The following IL1RAP variants were observed in gnomAD, a reference collection of about 807,000 sequenced individuals.
IL1RAP encodes the protein interleukin-1 receptor accessory protein.
In IL1RAP, 35 loss-of-function variants were observed where a neutral mutation model predicts 60.7. The ratio of observed to expected loss-of-function variants is 0.58; its 90% CI spans 0.44 to 0.76. The LOEUF is 0.76. Ranked by LOEUF, IL1RAP falls within the 30% of genes least tolerant of loss-of-function variation. The pLI is 0.00. For synonymous variants in IL1RAP, 268 were observed against 250.9 expected, an observed-to-expected ratio of 1.07 and a Z score of -0.64; for missense variants, 572 against 693.9, an observed-to-expected ratio of 0.82 and a Z score of 1.97.
intron 3 of IL1RAP, among the ~76,000 whole-genome samples, chr3:190,599,839 T>C (rs1729704777): frequency 1.3e-5 from 1 of 79,226 alleles, no homozygotes; most frequent in East Asian, 5.5e-4. Flanking sequence ...AATCTTTAAA[T>C]TTAACATCTA....
At chr3:190,538,249 G>GGGGGTT (rs1428992671) in intron 1 of IL1RAP, among the ~76,000 whole-genome samples, 1 of 152,160 alleles carries the variant, frequency 6.6e-6, no homozygotes, top group African/African-American at 2.4e-5. Context: ...AGCAGCCTCT[G>GGGGGTT]GGGGTTGACT....
chr3:190,533,859 G>A (rs891501142), intron 1 of IL1RAP, among the ~76,000 whole-genome samples: 8 of 152,162 alleles, frequency 5.3e-5, no homozygotes, highest in Non-Finnish European at 1.2e-4. Context: ...TTTGCGGTTG[G>A]CAGCATATGA....
At chr3:190,640,256 T>C (rs1236584942) in intron 9 of IL1RAP, among the ~76,000 whole-genome samples, 3 of 152,214 alleles carry the variant, frequency 2.0e-5, no homozygotes, top group African/African-American at 7.2e-5. Flanking sequence ...TTTACCTCTT[T>C]TTTGTCTTTT....
Position 190,648,824 on chromosome 3 carries a change from G to A in IL1RAP, c.*119G>A, listed in dbSNP as rs1734223569. ...AAATAATGGTCTAAGCCTCCCAATA[G>A]GGATAAATTTAGGGTGACTGTGTGG... On this transcript the variant is annotated 3_prime_UTR_variant, in exon 12 of 12. Transcript: ENST00000447382. 1 of 1,450,940 alleles carries A rather than the reference G, an allele frequency of 6.9e-7. No homozygotes were observed. Among genetic ancestry groups the A allele is most frequent in the African/African-American group, 1.4e-5 (1 of 70,012 alleles). 89.9% of individuals were successfully genotyped at this position (1,450,940 alleles called of 1,614,324 possible).
rs781411548 is a variant in IL1RAP, at chr3:190,627,408, A to G, written c.861A>G (p.Lys287=). 1.9e-6 allele frequency: 3 copies of G among 1,613,756 alleles called. No individual in the cohort carries two copies. In the South Asian group the frequency reaches 3.3e-5, roughly 18 times the overall value. The change falls in exon 8 of 12, where the codon AAA becomes AAG. Residue 287 remains lysine, a synonymous_variant. Transcript: ENST00000447382. ...AGGTTTGGTGGACCATTGATGGAAAAAAACCTGATGACATCACTATTGATG... is the reference window on the plus strand; with the variant it reads ...AGGTTTGGTGGACCATTGATGGAAAGAAACCTGATGACATCACTATTGATG... ...RNEVWWTIDG[K]KPDDITIDVT... is the part of the protein sequence containing the mutation.
At chr3:190,556,732 A>T (rs1193683959) in intron 2 of IL1RAP, among the ~76,000 whole-genome samples, 1 of 152,200 alleles carries the variant, frequency 6.6e-6, no homozygotes, top group Non-Finnish European at 1.5e-5. Flanking sequence ...TCAATGGTCA[A>T]CTTGAACCAC....
chr3:190,540,630 G>C (rs1723849496), intron 1 of IL1RAP, among the ~76,000 whole-genome samples: 1 of 151,386 alleles, frequency 6.6e-6, no homozygotes, highest in South Asian at 2.1e-4. Context: ...CCATGTGTCT[G>C]TGTTGATTTT....
intron 3 of IL1RAP, among the ~76,000 whole-genome samples, chr3:190,594,758 A>G (rs1407340904): frequency 6.6e-6 from 1 of 152,262 alleles, no homozygotes; most frequent in East Asian, 1.9e-4. Context: ...GTCTGACACA[A>G]GAAGTGGTTT....
intron 5 of IL1RAP, among the ~76,000 whole-genome samples, chr3:190,617,944 T>C (rs751962668): frequency 6.6e-6 from 1 of 152,202 alleles, no homozygotes; most frequent in Non-Finnish European, 1.5e-5. Context: ...GAAACAGCTA[T>C]AAAAAGTTTC....
intron 1 of IL1RAP, chr3:190,519,029 C>T (rs1031829485): frequency 3.3e-5 from 5 of 152,198 alleles, no homozygotes; most frequent in African/African-American, 1.2e-4. Context: ...AGGACTTAGA[C>T]TAAGACCAAT....
At chr3:190,566,905 A>C (rs890131414) in intron 3 of IL1RAP, among the ~76,000 whole-genome samples, 2 of 152,204 alleles carry the variant, frequency 1.3e-5, no homozygotes, top group African/African-American at 4.8e-5. Flanking sequence ...TTGGTCTTTC[A>C]TGAGGCTCTC....
chr3:190,595,273 A>G (rs1729283374), intron 3 of IL1RAP, among the ~76,000 whole-genome samples: 1 of 152,190 alleles, frequency 6.6e-6, no homozygotes, highest in Non-Finnish European at 1.5e-5. Flanking sequence ...TAATGCCACT[A>G]GGTATCAAAG....
intron 3 of IL1RAP, among the ~76,000 whole-genome samples, chr3:190,588,420 T>C (rs1366379714): frequency 6.6e-6 from 1 of 152,188 alleles, no homozygotes. Flanking sequence ...CCTACATCTT[T>C]CTAAGCAACC....
At chr3:190,619,747 A>G (rs1248707664) in intron 5 of IL1RAP, among the ~76,000 whole-genome samples, 2 of 151,922 alleles carry the variant, frequency 1.3e-5, no homozygotes, top group Non-Finnish European at 1.5e-5. Flanking sequence ...AAAAAGTAAT[A>G]AAAGAAAAAT....
chr3:190,619,788 G>T (rs1157722826), intron 5 of IL1RAP, among the ~76,000 whole-genome samples: 1 of 151,846 alleles, frequency 6.6e-6, no homozygotes, highest in Non-Finnish European at 1.5e-5. Context: ...CTGATACAGG[G>T]AAACAACAGG....
At chr3:190,629,664 A>G in intron 9 of IL1RAP, 166 bp downstream of exon 9, 3 of 1,356,262 alleles carry the variant, frequency 2.2e-6, no homozygotes, top group South Asian at 2.2e-5. Context: ...GTTTTCATCT[A>G]TGTAAGATAC....
At chr3:190,638,735 T>G (rs1733420367) in intron 9 of IL1RAP, among the ~76,000 whole-genome samples, 1 of 152,180 alleles carries the variant, frequency 6.6e-6, no homozygotes, top group Non-Finnish European at 1.5e-5. Context: ...TCTTTTCTTT[T>G]TTTTCATGAA....
At chr3:190,554,056 G>C (rs867842388) in intron 1 of IL1RAP, among the ~76,000 whole-genome samples, 1 of 70,646 alleles carries the variant, frequency 1.4e-5, no homozygotes, top group East Asian at 4.1e-4. Context: ...GCGAGACTCC[G>C]TCTCAAAAAA....
intron 1 of IL1RAP, among the ~76,000 whole-genome samples, chr3:190,514,522 C>T (rs1177225320): frequency 6.6e-6 from 1 of 152,008 alleles, no homozygotes; most frequent in Non-Finnish European, 1.5e-5. Flanking sequence ...TTTTCCTCCT[C>T]ACCGCCCCCT....
Sources: gnomAD v4.1 joint callset for allele counts (sites outside exome capture counted in the v4.1 genomes callset) on GRCh38, gnomAD v4.1.1 for gene constraint, MANE v1.5 for transcripts, NCBI Gene and HGNC (gene_info 2026-07-23, HGNC 2026-07-21) for gene names.